SLC26A1: variants seen among roughly 807,000 people sequenced by gnomAD.
SLC26A1 encodes solute carrier family 26 member 1, also known as sulfate anion transporter 1.
Under a neutral mutation model 14.5 loss-of-function variants are expected in SLC26A1, and 18 were observed. The ratio of observed to expected loss-of-function variants is 1.24; its 90% CI spans 0.86 to 1.84. SLC26A1 has a LOEUF of 1.84. Ranked by LOEUF, SLC26A1 falls within the 40% of genes most tolerant of loss-of-function variation. SLC26A1 has a pLI of 0.00. For missense variants in SLC26A1, 1,049 were observed against 1,020.0 expected (o/e 1.03, Z -0.39); for synonymous variants, 505 against 492.0 (o/e 1.03, Z -0.35).
chr4:991,212 G>A lies in SLC26A1; in HGVS notation c.492C>T (p.Gly164=). 1.9e-6 allele frequency: 3 copies of A among 1,607,332 alleles called. No individual in the cohort carries two copies. Among genetic ancestry groups the A allele is most frequent in the Non-Finnish European group, 2.6e-6 (3 of 1,176,110 alleles). Residue 164 remains glycine (G), a synonymous_variant, in exon 2 of 3, where the codon GGC becomes GGT. Transcript: ENST00000398516. ...GCCCGCAGTCCAGCATGGCAGCCGAGCCGTTGAGGGTGCTGCTGTTGGCTC... is the reference window on the plus strand; with the variant it reads ...GCCCGCAGTCCAGCATGGCAGCCGAACCGTTGAGGGTGCTGCTGTTGGCTC... ...QPGANSSTLN[G]SAAMLDCGRD...
Position 988,371 on chromosome 4 carries a change from T to C in SLC26A1, c.*462A>G. 2 of 1,059,948 alleles carry C rather than the reference T, an allele frequency of 1.9e-6. No homozygotes were observed. Among genetic ancestry groups the C allele is most frequent in the Non-Finnish European group, 2.3e-6 (2 of 877,128 alleles). The allele number at this position is 1,059,948 out of a possible 1,614,324, so 65.7% of individuals were successfully genotyped here. On this transcript the variant is annotated 3_prime_UTR_variant, in exon 3 of 3. Coordinates refer to ENST00000398516, the MANE Select transcript of SLC26A1 (RefSeq NM_022042.4). ...ACGAGGTGTGAGGGGCACTTGGGTG[T>C]GTGGGGCCTTCTGGAAACACAGAGA...
chr4:987,253 C>T (rs1713802433), downstream of SLC26A1: 6 of 1,514,360 alleles, frequency 4.0e-6, no homozygotes, highest in Non-Finnish European at 5.3e-6. Flanking sequence ...GTGAGCGCTC[C>T]GCGGCCTCCG....
downstream of SLC26A1, among the ~76,000 whole-genome samples, chr4:984,843 T>C (rs1205453332): frequency 6.6e-6 from 1 of 152,190 alleles, no homozygotes; most frequent in Non-Finnish European, 1.5e-5. Flanking sequence ...TTCTGGAGTT[T>C]ATCATTGGTA....
In SLC26A1 at chr4:987,858, CA is replaced by C. The variant is rs2153015644; in HGVS notation, c.*974del. On this transcript the variant is annotated 3_prime_UTR_variant, in exon 3 of 3. Transcript: ENST00000398516. Reference sequence around the variant, plus strand: ...TGACCAGTACGTCCTCAGCTGGGACCAGCAGCTCAACCTCGCCTATGTGGGC... The same window carrying C: ...TGACCAGTACGTCCTCAGCTGGGACCGCAGCTCAACCTCGCCTATGTGGGC... 4 of 1,612,478 alleles carry C rather than the reference CA, an allele frequency of 2.5e-6. No individual in the cohort carries two copies. The highest frequency in any genetic ancestry group is 3.4e-6 in the Non-Finnish European group (4 of 1,179,860).
At chr4:987,329 A>T, downstream of SLC26A1, 1 of 1,261,346 alleles carries the variant, frequency 7.9e-7, no homozygotes, top group South Asian at 1.3e-5. Context: ...AGCTTCAGAG[A>T]CCGGAGCTCC....
Position 991,425 on chromosome 4 carries a change from C to T in SLC26A1, c.279G>A (p.Leu93=). The T allele has an allele frequency of 6.2e-7, 1 of 1,612,824 alleles. No individual in the cohort carries two copies. ...LVPQAIAYSL[L]AGLQPIYSLY... ...GGCTGTAGATGGGCTGCAGCCCGGC[C>T]AGCAATGAGTAGGCGATGGCCTGCG... Residue 93 remains leucine (L), a synonymous_variant, in exon 2 of 3, where the codon CTG becomes CTA. Transcript: ENST00000398516.
chr4:987,609 T>G, downstream of SLC26A1: 1 of 1,435,796 alleles, frequency 7.0e-7, no homozygotes, highest in South Asian at 1.5e-5. Context: ...CGTTGGCCCC[T>G]CGTCTTACTG....
intron 1 of SLC26A1, chr4:992,032 C>T (rs1449980507): frequency 1.7e-6 from 1 of 599,658 alleles, no homozygotes; most frequent in African/African-American, 1.8e-5. Flanking sequence ...TGTCCAGGCT[C>T]AGCTCCGGCC....
intron 2 of SLC26A1, among the ~76,000 whole-genome samples, chr4:981,962 G>A (rs1713556803): frequency 6.6e-6 from 1 of 152,296 alleles, no homozygotes; most frequent in African/African-American, 2.4e-5. Context: ...TGGGACTACA[G>A]GCACCCACCA....
chr4:989,285 C>A lies in SLC26A1; in HGVS notation c.1654G>T (p.Asp552Tyr). Reference sequence around the variant, plus strand: ...CTGTAGAGTGACTGCAGGAAGAAGTCCTTGTTGGCATAGTACAGCGGCCCC... The same window carrying A: ...CTGTAGAGTGACTGCAGGAAGAAGTACTTGTTGGCATAGTACAGCGGCCCC... ...FGGPLYYANK[D>Y]FFLQSLYSLT... is the part of the protein sequence containing the mutation. Residue 552 changes from aspartate to tyrosine, a missense_variant, in exon 3 of 3, where the codon GAC becomes TAC. Physicochemically the swap from Asp to Tyr is radical, Grantham distance 160. Coordinates refer to ENST00000398516, the MANE Select transcript of SLC26A1 (RefSeq NM_022042.4). 6.2e-7 allele frequency: 1 copy of A among 1,612,678 alleles called. No homozygotes were observed. Among genetic ancestry groups the A allele is most frequent in the Non-Finnish European group, 8.5e-7 (1 of 1,179,848 alleles).
chr4:991,936 G>A lies in SLC26A1; in HGVS notation c.-27-206C>T, dbSNP rs761106154. On this transcript the variant is annotated intron_variant, in intron 1 of 2. Transcript: ENST00000398516. The stretch of plus-strand genomic sequence containing the variant: ...GGCCCTGCTGGATCCAGAATCCATC[G>A]TGAGGTGAGATGGGATTACGACACC... 484 of 927,006 alleles carry A rather than the reference G, an allele frequency of 5.2e-4. 1 individual carries two copies. Among genetic ancestry groups the A allele is most frequent in the Admixed American group, 9.4e-4 (47 of 50,134 alleles). The allele number at this position is 927,006 out of a possible 1,614,324, so 57.4% of individuals were successfully genotyped here.
At position 991,873 on chromosome 4, in the gene SLC26A1, G is replaced by A. The variant is rs774883338; in HGVS notation, c.-27-143C>T. On this transcript the variant is annotated intron_variant, in intron 1 of 2. Transcript: ENST00000398516. Reference sequence around the variant, plus strand: ...TGGTGCTGGGCCTTCTCCTGGCAGCGCGGGCCCCAGCCCCCTGCCCGGTAT... The same window carrying A: ...TGGTGCTGGGCCTTCTCCTGGCAGCACGGGCCCCAGCCCCCTGCCCGGTAT... 26 of 1,457,450 alleles carry A rather than the reference G, an allele frequency of 1.8e-5. No homozygotes were observed. Among genetic ancestry groups the A allele is most frequent in the East Asian group, 1.5e-4 (6 of 40,508 alleles). 90.3% of individuals were successfully genotyped at this position (1,457,450 alleles called of 1,614,324 possible). A position where few individuals can be genotyped will look rare whatever the true frequency, so the allele number is the denominator to read the frequency against.
In SLC26A1 at chr4:990,116, G is replaced by T; in HGVS notation, c.823C>A (p.Leu275Ile). Residue 275 changes from leucine to isoleucine, a missense_variant, in exon 3 of 3, where the codon CTA (leucine) becomes ATA (isoleucine). Transcript: ENST00000398516. ...CGGTCTGAGAGCTCCTTCGCGGCTA[G>T]CAGCACCGCCAGGCACACCGTGCTG... ...VTSTVCLAVL[L>I]AAKELSDRYR... is the part of the protein sequence containing the mutation. 1 of 1,583,274 alleles carries T rather than the reference G, an allele frequency of 6.3e-7. No homozygotes were observed.
rs1170244611 is a variant in SLC26A1, at chr4:989,801, C to T, written c.1138G>A (p.Val380Met). The T allele has an allele frequency of 1.3e-6, 2 of 1,573,772 alleles. No individual in the cohort carries two copies. Among genetic ancestry groups the T allele is most frequent in the Non-Finnish European group, 1.7e-6 (2 of 1,160,448 alleles). The change falls in exon 3 of 3, where the codon GTG (valine) becomes ATG (methionine). Residue 380 changes from valine to methionine, a missense_variant. Transcript: ENST00000398516. ...SVRANQELLA[V>M]GCCNVLPAFL... Reference sequence around the variant, plus strand: ...GCGGGTAGCACGTTGCAGCAGCCCACAGCCAGCAGCTCCTGGTTGGCACGC... The same window carrying T: ...GCGGGTAGCACGTTGCAGCAGCCCATAGCCAGCAGCTCCTGGTTGGCACGC...
At position 988,580 on chromosome 4, in the gene SLC26A1, T is replaced by G; in HGVS notation, c.*253A>C. On this transcript the variant is annotated 3_prime_UTR_variant, in exon 3 of 3. Coordinates refer to ENST00000398516, the MANE Select transcript of SLC26A1 (RefSeq NM_022042.4). ...CCCTCCTGAGCTGAGGGACGGTGCATTGGGGCCCAGCCAGCACTGTGGGCC... is the reference window on the plus strand; with the variant it reads ...CCCTCCTGAGCTGAGGGACGGTGCAGTGGGGCCCAGCCAGCACTGTGGGCC... 1.5e-6 allele frequency: 2 copies of G among 1,339,078 alleles called. No individual in the cohort carries two copies. Among genetic ancestry groups the G allele is most frequent in the Non-Finnish European group, 1.9e-6 (2 of 1,048,184 alleles). The allele number at this position is 1,339,078 out of a possible 1,614,324, so 82.9% of individuals were successfully genotyped here. A position where few individuals can be genotyped will look rare whatever the true frequency, so the allele number is the denominator to read the frequency against.
At chr4:979,833 C>G (rs756247415) in intron 2 of SLC26A1, among the ~76,000 whole-genome samples, 4 of 152,386 alleles carry the variant, frequency 2.6e-5, no homozygotes, top group South Asian at 4.1e-4. Flanking sequence ...GCCACACTCC[C>G]TCCCGAGGCA....
At chr4:982,728 C>T (rs927403240), downstream of SLC26A1, among the ~76,000 whole-genome samples, 8 of 152,214 alleles carry the variant, frequency 5.3e-5, no homozygotes, top group South Asian at 4.1e-4. Flanking sequence ...AAATCGGAAT[C>T]GCACACGTCT....
downstream of SLC26A1, chr4:987,354 T>G (rs1713813730): frequency 3.7e-6 from 4 of 1,068,058 alleles, no homozygotes; most frequent in South Asian, 1.5e-5. Flanking sequence ...TCTGGGGCCC[T>G]GGCTCTCCCG....
chr4:982,700 C>A (rs987587495), downstream of SLC26A1, among the ~76,000 whole-genome samples: 6 of 152,242 alleles, frequency 3.9e-5, no homozygotes, highest in African/African-American at 1.2e-4. Context: ...TCTCTTGCCT[C>A]ACAGAGCCCC....
Sources: allele counts gnomAD v4.1 joint callset (sites outside exome capture counted in the v4.1 genomes callset), GRCh38; gene constraint gnomAD v4.1.1; transcripts MANE v1.5; gene names NCBI Gene and HGNC (gene_info 2026-07-23, HGNC 2026-07-21).